Variants in LETMD1 observed in about 807,000 individuals in gnomAD.
LETMD1 encodes LETM1 domain containing 1, also known as LETM1 domain-containing protein 1.
A neutral mutation model predicts 43.9 loss-of-function variants in LETMD1; 30 were observed. The ratio of observed to expected loss-of-function variants is 0.68; its 90% CI spans 0.51 to 0.93. LETMD1 has a LOEUF of 0.93. LETMD1 is among the 40% of genes least tolerant of loss of function. LETMD1 has a pLI of 0.00. For synonymous variants in LETMD1, 176 were observed against 163.1 expected (o/e 1.08, Z -0.60); for missense variants, 413 against 447.7 (o/e 0.92, Z 0.70).
intron 2 of LETMD1, among the ~76,000 whole-genome samples, chr12:51,049,739 C>T (rs758280155): frequency 2.0e-5 from 3 of 152,170 alleles, no homozygotes; most frequent in South Asian, 2.1e-4. Context: ...CGTCACTGTG[C>T]GATTGGACTA....
the LETMD1 span, chr12:51,068,050 C>G: frequency 3.0e-6 from 4 of 1,323,014 alleles, no homozygotes; most frequent in Non-Finnish European, 4.2e-6. Context: ...GCAGCACTGT[C>G]CCTTGAACCT....
intron 7 of LETMD1, chr12:51,057,473 G>A (rs1288744594): frequency 6.5e-6 from 1 of 153,248 alleles, no homozygotes; most frequent in Non-Finnish European, 1.5e-5. Context: ...ATTTTGGTTT[G>A]TATTTCTTTT....
chr12:51,049,202 A>C lies in LETMD1; in HGVS notation c.274+17A>C. The C allele has an allele frequency of 1.2e-6, 2 of 1,601,940 alleles. No individual in the cohort carries two copies. The highest frequency in any genetic ancestry group is 1.7e-6 in the Non-Finnish European group (2 of 1,172,340). ...TCATGAAAGGTAAAAACGAAACTAC[A>C]ATAGAAATTCCGGAATCAGCTCTTG... On this transcript the variant is annotated intron_variant, in intron 2 of 8. Transcript: ENST00000262055.
At chr12:51,063,667 C>T, downstream of LETMD1, 1 of 1,115,552 alleles carries the variant, frequency 9.0e-7, no homozygotes, top group Non-Finnish European at 1.2e-6. Flanking sequence ...GCTGCTTCTA[C>T]AGTTTTGTTT....
intron 2 of LETMD1, 104 bp downstream of exon 2, chr12:51,049,289 C>A: frequency 1.0e-6 from 1 of 975,214 alleles, no homozygotes; most frequent in Non-Finnish European, 1.5e-6. Flanking sequence ...GGGATGTGAG[C>A]CGAGATATCT....
Position 51,056,496 on chromosome 12 carries a change from A to T in LETMD1, c.909A>T (p.Val303=). The T allele has an allele frequency of 6.2e-7, 1 of 1,614,194 alleles. No individual in the cohort carries two copies. The highest frequency in any genetic ancestry group is 8.5e-7 in the Non-Finnish European group (1 of 1,180,032). Residue 303 remains valine, a synonymous_variant, in exon 7 of 9, where the codon GTA becomes GTT. Transcript: ENST00000262055. The stretch of plus-strand genomic sequence containing the variant: ...TTGGCCAGCTGACTGCTCAGGAAGT[A>T]AAATCGGTAAGAGCTTGATTGCAAC... The part of the protein sequence containing the change: ...LGIGQLTAQE[V]KSACYLRGLN...
intron 3 of LETMD1, 71 bp from the exon 4 acceptor site, chr12:51,053,707 G>C (rs969041687): frequency 1.0e-6 from 1 of 992,520 alleles, no homozygotes; most frequent in Non-Finnish European, 1.6e-6. Context: ...TGTACAGTGG[G>C]GTGGATGGAT....
the LETMD1 span, among the ~76,000 whole-genome samples, chr12:51,066,182 C>T: frequency 4.6e-5 from 7 of 152,116 alleles, no homozygotes; most frequent in Non-Finnish European, 7.4e-5. Context: ...TGGCCAGGTG[C>T]GGTGGCTCAC....
chr12:51,061,586 T>TA (rs1397338612), downstream of LETMD1: 10 of 152,448 alleles, frequency 6.6e-5, no homozygotes, highest in South Asian at 2.1e-4. Context: ...ATTTAGCACT[T>TA]AAAAGTTTGG....
chr12:51,055,036 G>A (rs950918701), intron 4 of LETMD1, among the ~76,000 whole-genome samples: 1 of 152,108 alleles, frequency 6.6e-6, no homozygotes, highest in East Asian at 1.9e-4. Flanking sequence ...GGAGGCAGAG[G>A]TTGCAGTGAG....
intron 2 of LETMD1, 78 bp from the exon 3 acceptor site, chr12:51,052,014 T>C: frequency 1.5e-6 from 2 of 1,334,392 alleles, no homozygotes; most frequent in African/African-American, 1.5e-5. Context: ...TGCATGTGAT[T>C]GAACATGGAG....
chr12:51,056,508 A>G lies in LETMD1; in HGVS notation c.915+6A>G, dbSNP rs755839829. On this transcript the variant is annotated splice_donor_region_variant and intron_variant, in intron 7 of 8. Transcript: ENST00000262055. The stretch of plus-strand genomic sequence containing the variant: ...CTGCTCAGGAAGTAAAATCGGTAAG[A>G]GCTTGATTGCAACATCAACCCTCAA... The G allele has an allele frequency of 2.7e-5, 43 of 1,614,056 alleles. No homozygotes were observed. The East Asian group carries it at 2.9e-4, about 11-fold the overall frequency.
At chr12:51,066,619 C>T in the LETMD1 span, among the ~76,000 whole-genome samples, 5 of 139,440 alleles carry the variant, frequency 3.6e-5, no homozygotes, top group East Asian at 4.4e-4. Context: ...CCAGCCTGGG[C>T]GACAGAACGA....
chr12:51,055,070 A>G (rs892257962), intron 4 of LETMD1, among the ~76,000 whole-genome samples: 1 of 152,072 alleles, frequency 6.6e-6, no homozygotes. Context: ...ACTGCAGTCC[A>G]GCTTGGGTGA....
downstream of LETMD1, chr12:51,064,015 GGA>G (rs756133167): frequency 6.2e-7 from 1 of 1,614,210 alleles, no homozygotes; most frequent in Non-Finnish European, 8.5e-7. Context: ...GAGGTAACAG[GGA>G]GAGAGAAGAC....
intron 2 of LETMD1, among the ~76,000 whole-genome samples, chr12:51,050,585 AT>A (rs1256586340): frequency 1.4e-4 from 21 of 152,150 alleles, no homozygotes; most frequent in African/African-American, 5.1e-4. Context: ...ACTTCCATGT[AT>A]TAACCTCACT....
chr12:51,061,493 A>G (rs895810274), downstream of LETMD1: 2 of 152,646 alleles, frequency 1.3e-5, no homozygotes, highest in African/African-American at 2.4e-5. Flanking sequence ...ATTCTGTCCA[A>G]CTCAGGTAGC....
At chr12:51,063,956 C>T (rs1460672439), downstream of LETMD1, 2 of 1,612,866 alleles carry the variant, frequency 1.2e-6, no homozygotes, top group African/African-American at 2.7e-5. Context: ...TTTTCCCCAC[C>T]TCTGATTTAC....
At position 51,053,963 on chromosome 12, in the gene LETMD1, T is replaced by C. The variant is rs7961172; in HGVS notation, c.473+103T>C. On this transcript the variant is annotated intron_variant, in intron 4 of 8. Transcript: ENST00000262055. Reference sequence around the variant, plus strand: ...CTCATTTCAGAAGATAGGCAGAGGTTATCAAACTTCTGCTCCAATCTTCTC... The same window carrying C: ...CTCATTTCAGAAGATAGGCAGAGGTCATCAAACTTCTGCTCCAATCTTCTC... 0.021 allele frequency: 16,392 copies of C among 789,026 alleles called. 1,855 individuals carry two copies. In the African/African-American group the frequency reaches 0.25, roughly 12 times the overall value. The allele number at this position is 789,026 out of a possible 1,614,324, so 48.9% of individuals were successfully genotyped here.
Sources: allele counts gnomAD v4.1 joint callset (sites outside exome capture counted in the v4.1 genomes callset), GRCh38; gene constraint gnomAD v4.1.1; transcripts MANE v1.5; gene names NCBI Gene and HGNC (gene_info 2026-07-23, HGNC 2026-07-21).